NRXN3: variants seen among roughly 807,000 people sequenced by gnomAD.
NRXN3 encodes neurexin III.
NRXN3 carries 32 observed loss-of-function variants against 137.6 expected under a neutral mutation model. That is an observed-to-expected ratio of 0.23 (90% CI 0.18 to 0.31). The LOEUF is 0.31. Among genes scored for constraint, NRXN3 ranks in the 10% least tolerant of loss-of-function variants. The pLI is 1.00. For synonymous variants in NRXN3, 798 were observed against 784.5 expected, an observed-to-expected ratio of 1.02 and a Z score of -0.29; for missense variants, 1,574 against 2,062.5, an observed-to-expected ratio of 0.76 and a Z score of 4.59.
At chr14:79,517,280 G>A (rs916871297) in intron 16 of NRXN3, among the ~76,000 whole-genome samples, 1 of 152,088 alleles carries the variant, frequency 6.6e-6, no homozygotes. Flanking sequence ...GAAATCGTTT[G>A]TATGAACTTT....
At chr14:79,205,207 A>G in intron 15 of NRXN3, among the ~76,000 whole-genome samples, 1 of 152,210 alleles carries the variant, frequency 6.6e-6, no homozygotes, top group East Asian at 1.9e-4. Context: ...GTACTTGAAA[A>G]TGGAATGCCC....
chr14:78,629,275 G>A (rs1452008792), intron 4 of NRXN3, among the ~76,000 whole-genome samples: 2 of 152,110 alleles, frequency 1.3e-5, no homozygotes, highest in African/African-American at 2.4e-5. Flanking sequence ...ATAAGTATTG[G>A]CTCCTTTCTC....
At chr14:78,852,347 T>C (rs1033505201) in intron 10 of NRXN3, among the ~76,000 whole-genome samples, 2 of 152,204 alleles carry the variant, frequency 1.3e-5, no homozygotes, top group Admixed American at 1.3e-4. Context: ...TATTAACATC[T>C]GACAATTTGA....
chr14:78,991,157 A>AT (rs993193867), intron 15 of NRXN3, among the ~76,000 whole-genome samples: 3 of 152,168 alleles, frequency 2.0e-5, no homozygotes, highest in Non-Finnish European at 4.4e-5. Context: ...CTCATGGAGG[A>AT]GGAAGAATAA....
At position 78,997,390 on chromosome 14, in the gene NRXN3, C is replaced by G. The variant is rs548837736; in HGVS notation, c.3262+9249C>G. ...CATTTCTGGTGTCCTTGGCTAGTTA[C>G]TTACTTAAGGTGACGGCAATAATCC... On this transcript the variant is annotated intron_variant, in intron 15 of 20. Transcript: ENST00000335750. 3.3e-5 allele frequency among the ~76,000 whole-genome samples: 5 copies of G among 152,232 alleles called. No individual in the cohort carries two copies. In the South Asian group the frequency reaches 1.0e-3, roughly 32 times the overall value.
At chr14:78,373,711 C>G (rs1380476888) in intron 4 of NRXN3, among the ~76,000 whole-genome samples, 1 of 152,118 alleles carries the variant, frequency 6.6e-6, no homozygotes, top group East Asian at 1.9e-4. Context: ...AAATGCAAGG[C>G]AGAAAGGGAA....
At chr14:79,524,641 A>G (rs937694212) in intron 16 of NRXN3, among the ~76,000 whole-genome samples, 3 of 152,244 alleles carry the variant, frequency 2.0e-5, no homozygotes, top group Non-Finnish European at 4.4e-5. Flanking sequence ...TATTCTGGAT[A>G]TCACTGTAGG....
chr14:79,664,134 G>C (rs942740453), intron 17 of NRXN3, among the ~76,000 whole-genome samples, 185 bp downstream of exon 17: 1 of 152,140 alleles, frequency 6.6e-6, no homozygotes, highest in African/African-American at 2.4e-5. Context: ...AGCTTCTGGA[G>C]ACTTTACCAA....
chr14:78,250,996 A>G (rs901116815), intron 2 of NRXN3, among the ~76,000 whole-genome samples: 5 of 152,184 alleles, frequency 3.3e-5, no homozygotes, highest in African/African-American at 1.2e-4. Context: ...GAAAATGAAA[A>G]TGAATGAATA....
intron 1 of NRXN3, among the ~76,000 whole-genome samples, chr14:78,240,743 C>T (rs2066979994): frequency 6.6e-6 from 1 of 152,166 alleles, no homozygotes; most frequent in Admixed American, 6.5e-5. Flanking sequence ...TAGAACAAAG[C>T]CTTTCCTTAT....
At chr14:79,708,692 C>G (rs1470553597) in intron 19 of NRXN3, among the ~76,000 whole-genome samples, 1 of 152,106 alleles carries the variant, frequency 6.6e-6, no homozygotes, top group Non-Finnish European at 1.5e-5. Flanking sequence ...TAGAAACACA[C>G]TGAGGCTGTT....
At chr14:78,929,991 C>T (rs1032595833) in intron 10 of NRXN3, among the ~76,000 whole-genome samples, 8 of 152,168 alleles carry the variant, frequency 5.3e-5, no homozygotes, top group African/African-American at 1.9e-4. Flanking sequence ...TAAATGTTAG[C>T]TTTTATTATT....
intron 19 of NRXN3, among the ~76,000 whole-genome samples, chr14:79,735,907 A>G (rs966465248): frequency 6.6e-6 from 1 of 152,226 alleles, no homozygotes; most frequent in African/African-American, 2.4e-5. Context: ...GTATAGGAAA[A>G]AATTAGTCAC....
At chr14:79,562,235 C>A (rs1477113539) in intron 16 of NRXN3, among the ~76,000 whole-genome samples, 1 of 152,152 alleles carries the variant, frequency 6.6e-6, no homozygotes, top group Non-Finnish European at 1.5e-5. Context: ...TATTCTCATT[C>A]TACTATTCTA....
chr14:78,774,142 G>A (rs1340326062), intron 8 of NRXN3, among the ~76,000 whole-genome samples: 1 of 152,004 alleles, frequency 6.6e-6, no homozygotes, highest in Non-Finnish European at 1.5e-5. Context: ...CTATTACTTA[G>A]TTCCTGTGAT....
intron 19 of NRXN3, among the ~76,000 whole-genome samples, chr14:79,700,219 G>A (rs2098749857): frequency 6.6e-6 from 1 of 151,952 alleles, no homozygotes; most frequent in Non-Finnish European, 1.5e-5. Context: ...GGTAAGGAAG[G>A]TCAGTCCCAG....
At position 79,479,354 on chromosome 14, in the gene NRXN3, G is replaced by A. The variant is rs1204716308; in HGVS notation, c.3444+11952G>A. On this transcript the variant is annotated intron_variant, in intron 16 of 20. Transcript: ENST00000335750. ...TCCTGACAACACTGTTAAACTAGTGGCATTACCTCTATTTTATGAAGTAAA... is the reference window on the plus strand; with the variant it reads ...TCCTGACAACACTGTTAAACTAGTGACATTACCTCTATTTTATGAAGTAAA... Among the ~76,000 whole-genome samples, 22 of 151,836 alleles carry A rather than the reference G, an allele frequency of 1.4e-4. 1 individual carries two copies.
intron 15 of NRXN3, among the ~76,000 whole-genome samples, chr14:79,197,569 T>G (rs1257635695): frequency 6.6e-6 from 1 of 150,964 alleles, no homozygotes; most frequent in Non-Finnish European, 1.5e-5. Context: ...TTTTTTTTAA[T>G]TCCATGATTT....
At chr14:78,906,911 C>T (rs2099219003) in intron 10 of NRXN3, among the ~76,000 whole-genome samples, 1 of 151,824 alleles carries the variant, frequency 6.6e-6, no homozygotes, top group South Asian at 2.1e-4. Context: ...TGACTTGGGG[C>T]ATGTGCTCAT....
Sources: allele counts gnomAD v4.1 joint callset (sites outside exome capture counted in the v4.1 genomes callset), GRCh38; gene constraint gnomAD v4.1.1; transcripts MANE v1.5; gene names NCBI Gene and HGNC (gene_info 2026-07-23, HGNC 2026-07-21).